LRRTM4: variants seen among roughly 807,000 people sequenced by gnomAD.
LRRTM4 encodes the protein leucine-rich repeat transmembrane neuronal protein 4.
In LRRTM4, 25 loss-of-function variants were observed where a neutral mutation model predicts 47.6. The observed-to-expected ratio is 0.53, with a 90% CI of 0.38 to 0.73. The LOEUF (loss-of-function observed/expected upper bound fraction) is 0.73, where lower values mean the gene tolerates loss of function less well. LRRTM4 is among the 30% of genes least tolerant of loss of function. The pLI, the probability that LRRTM4 is intolerant of heterozygous loss-of-function variation, is 0.00. For synonymous variants in LRRTM4, 311 were observed against 269.5 expected (o/e 1.15, Z -1.51); for missense variants, 638 against 713.4 (o/e 0.89, Z 1.20).
chr2:77,277,135 T>C (rs1416821678), intron 3 of LRRTM4, among the ~76,000 whole-genome samples: 1 of 152,026 alleles, frequency 6.6e-6, no homozygotes, highest in Non-Finnish European at 1.5e-5. Context: ...TTTTCTGTAA[T>C]GTGCCACATA....
chr2:77,077,389 T>C (rs532866996), intron 3 of LRRTM4, among the ~76,000 whole-genome samples: 7 of 152,280 alleles, frequency 4.6e-5, no homozygotes, highest in Admixed American at 1.3e-4. Flanking sequence ...TATTATATCC[T>C]AATAGATAGT....
At chr2:77,069,168 A>C (rs968233079) in intron 3 of LRRTM4, among the ~76,000 whole-genome samples, 2 of 151,882 alleles carry the variant, frequency 1.3e-5, no homozygotes, top group Admixed American at 6.6e-5. Context: ...TTACCCCTCT[A>C]TATTTCTGTG....
At chr2:76,766,351 G>A (rs778671033) in intron 3 of LRRTM4, among the ~76,000 whole-genome samples, 16 of 152,206 alleles carry the variant, frequency 1.1e-4, no homozygotes, top group Middle Eastern at 3.4e-3. Flanking sequence ...TGGGGACCAC[G>A]GCATTAATAC....
rs1281596253 is a variant in LRRTM4 at position 77,097,780 on chromosome 2, AAG to A, written c.1552-348866_1552-348865del. 3.3e-5 allele frequency among the ~76,000 whole-genome samples: 5 copies of A among 152,076 alleles called. No individual in the cohort carries two copies. In the South Asian group the frequency reaches 6.2e-4, roughly 19 times the overall value. On this transcript the variant is annotated intron_variant, in intron 3 of 3. Coordinates refer to ENST00000409884, the MANE Select transcript of LRRTM4 (RefSeq NM_001134745.3). ...CCAAGCATTTGAATTAAAGAATTAA[AAG>A]AGAACAATGTGACACAAAAATGTAA...
intron 3 of LRRTM4, among the ~76,000 whole-genome samples, chr2:77,280,532 A>G (rs1676480921): frequency 6.6e-6 from 1 of 152,042 alleles, no homozygotes; most frequent in Non-Finnish European, 1.5e-5. Flanking sequence ...ATTAATTAAA[A>G]TGCCTAAAGG....
At chr2:76,760,989 C>G (rs1673232348) in intron 3 of LRRTM4, among the ~76,000 whole-genome samples, 1 of 152,224 alleles carries the variant, frequency 6.6e-6, no homozygotes, top group Non-Finnish European at 1.5e-5. Context: ...TGTCTGGTCC[C>G]TATCCCAGAT....
intron 3 of LRRTM4, among the ~76,000 whole-genome samples, chr2:76,942,925 A>G (rs374972273): frequency 7.9e-5 from 12 of 152,300 alleles, no homozygotes; most frequent in South Asian, 2.1e-4. Context: ...GCATGTTGTG[A>G]TAAGTAATTC....
At chr2:77,071,255 ATTTG>A (rs758268675) in intron 3 of LRRTM4, among the ~76,000 whole-genome samples, 50 of 152,282 alleles carry the variant, frequency 3.3e-4, no homozygotes, top group African/African-American at 1.1e-3. Flanking sequence ...TTAAACTTTA[ATTTG>A]TTTGTGCTTC....
Position 76,748,537 on chromosome 2 carries a change from G to T in LRRTM4, c.*158C>A, listed in dbSNP as rs1285403207. ...CAGGTGCATTCGCTGCCCTCTTCAA[G>T]CAGTTTTTTTTTCTCTTTTTCTTTT... On this transcript the variant is annotated 3_prime_UTR_variant, in exon 4 of 4. Transcript: ENST00000409884. 1.4e-5 allele frequency: 9 copies of T among 629,030 alleles called. No individual in the cohort carries two copies. The highest frequency in any genetic ancestry group is 5.6e-5 in the African/African-American group (3 of 53,902). 39.0% of individuals were successfully genotyped at this position (629,030 alleles called of 1,614,324 possible).
At chr2:76,853,671 G>T (rs1015873197) in intron 3 of LRRTM4, among the ~76,000 whole-genome samples, 3 of 152,114 alleles carry the variant, frequency 2.0e-5, no homozygotes, top group African/African-American at 7.2e-5. Context: ...GAAAGATCTT[G>T]AAAGTTGTAT....
At chr2:76,968,387 C>CAA (rs1676108620) in intron 3 of LRRTM4, among the ~76,000 whole-genome samples, 1 of 100,210 alleles carries the variant, frequency 1.0e-5, no homozygotes, top group East Asian at 3.3e-4. Context: ...TATATATACA[C>CAA]ATACATACAT....
intron 3 of LRRTM4, among the ~76,000 whole-genome samples, chr2:77,317,861 CAA>C (rs1677661156): frequency 1.3e-5 from 2 of 151,996 alleles, no homozygotes; most frequent in African/African-American, 4.8e-5. Flanking sequence ...TAAGAACTAT[CAA>C]AAAACATGGA....
intron 3 of LRRTM4, among the ~76,000 whole-genome samples, chr2:77,293,447 C>A (rs77933994): frequency 6.6e-6 from 1 of 151,964 alleles, no homozygotes; most frequent in South Asian, 2.1e-4. Context: ...ATCCCTATAA[C>A]GGAAAACCAG....
intron 3 of LRRTM4, chr2:77,517,655 A>AAGGAAAGGAAGGAGTGAAAGAAAGT: frequency 1.0e-6 from 1 of 979,194 alleles, no homozygotes; most frequent in Non-Finnish European, 1.2e-6. Context: ...AAGAGAAAGG[A>AAGGAAAGGAAGGAGTGAAAGAAAGT]AGGAAAGGAA....
At chr2:77,430,721 CAAAAA>C (rs59430158) in intron 3 of LRRTM4, among the ~76,000 whole-genome samples, 1 of 122,340 alleles carries the variant, frequency 8.2e-6, no homozygotes, top group Non-Finnish European at 1.7e-5. Context: ...AACTCTGTCT[CAAAAA>C]AAAAAAAAGA....
chr2:77,346,957 C>A (rs150346169), intron 3 of LRRTM4, among the ~76,000 whole-genome samples: 22 of 152,280 alleles, frequency 1.4e-4, no homozygotes, highest in East Asian at 5.8e-4. Context: ...TTCTCTCCCA[C>A]AGATGCACTC....
intron 3 of LRRTM4, among the ~76,000 whole-genome samples, chr2:76,800,347 TG>T (rs1675597836): frequency 7.1e-6 from 1 of 141,774 alleles, no homozygotes; most frequent in Non-Finnish European, 1.5e-5. Context: ...AAACAAGCAA[TG>T]GGGAAAGGAT....
intron 3 of LRRTM4, among the ~76,000 whole-genome samples, chr2:77,230,780 C>T (rs1036495826): frequency 2.0e-5 from 3 of 151,866 alleles, no homozygotes; most frequent in East Asian, 1.9e-4. Context: ...GCATGACTGA[C>T]GTAGCCAAAG....
intron 3 of LRRTM4, among the ~76,000 whole-genome samples, chr2:77,078,540 T>A (rs1488498797): frequency 1.3e-5 from 2 of 152,130 alleles, no homozygotes; most frequent in Non-Finnish European, 2.9e-5. Context: ...AATCAATATT[T>A]TATTAACATA....
Sources: allele counts gnomAD v4.1 joint callset (sites outside exome capture counted in the v4.1 genomes callset), GRCh38; gene constraint gnomAD v4.1.1; transcripts MANE v1.5; gene names NCBI Gene and HGNC (gene_info 2026-07-23, HGNC 2026-07-21).